SMAD3: variants seen among roughly 807,000 people sequenced by gnomAD.
The protein encoded by SMAD3 is MAD homolog 3.
SMAD3 carries 12 observed loss-of-function variants against 51.8 expected under a neutral mutation model. The ratio of observed to expected loss-of-function variants is 0.23; its 90% CI spans 0.15 to 0.38. The LOEUF is 0.38. Among genes scored for constraint, SMAD3 ranks in the 10% least tolerant of loss-of-function variants. The pLI is 1.00. For missense variants in SMAD3, 294 were observed against 565.6 expected (o/e 0.52, Z 4.87); for synonymous variants, 238 against 227.7 (o/e 1.05, Z -0.41).
intron 1 of SMAD3, among the ~76,000 whole-genome samples, chr15:67,070,135 C>T (rs559108553): frequency 6.6e-6 from 1 of 152,312 alleles, no homozygotes; most frequent in East Asian, 1.9e-4. Context: ...AGACCTATTA[C>T]TAAGGCTGTA....
Position 67,193,489 on chromosome 15 carries a change from G to A in SMAD3, c.*2953G>A, listed in dbSNP as rs1349982234. On this transcript the variant is annotated 3_prime_UTR_variant, in exon 9 of 9. Transcript: ENST00000327367. ...TAACTTAGATGCTTCCAGCACATACGTAGGTAGCTACCCCAGCCGGTTTGG... is the reference window on the plus strand; with the variant it reads ...TAACTTAGATGCTTCCAGCACATACATAGGTAGCTACCCCAGCCGGTTTGG... 8.6e-6 allele frequency: 2 copies of A among 233,616 alleles called. No homozygotes were observed. The highest frequency in any genetic ancestry group is 1.2e-4 in the East Asian group (2 of 16,746). The allele number at this position is 233,616 out of a possible 1,614,324, so 14.5% of individuals were successfully genotyped here.
chr15:67,149,056 G>GT (rs984239675), intron 1 of SMAD3, among the ~76,000 whole-genome samples: 13 of 152,198 alleles, frequency 8.5e-5, no homozygotes, highest in Non-Finnish European at 1.5e-4. Flanking sequence ...ATGGTGGACT[G>GT]TAAGAGTTCG....
intron 1 of SMAD3, among the ~76,000 whole-genome samples, chr15:67,086,411 C>T (rs550129800): frequency 6.6e-6 from 1 of 152,120 alleles, no homozygotes; most frequent in Non-Finnish European, 1.5e-5. Context: ...ACACATCTCT[C>T]TGCATTAAAA....
chr15:67,121,364 A>G (rs1411384738), intron 1 of SMAD3, among the ~76,000 whole-genome samples: 2 of 152,096 alleles, frequency 1.3e-5, no homozygotes, highest in African/African-American at 2.4e-5. Flanking sequence ...TCCTGAGGGC[A>G]TCGTGGGTGG....
intron 5 of SMAD3, among the ~76,000 whole-genome samples, chr15:67,178,171 C>T (rs956482049): frequency 1.3e-5 from 2 of 152,208 alleles, no homozygotes; most frequent in Non-Finnish European, 2.9e-5. Context: ...GAGGGCCTCT[C>T]GGCCTATGAC....
At chr15:67,076,365 A>G (rs1960169890) in intron 1 of SMAD3, among the ~76,000 whole-genome samples, 1 of 152,214 alleles carries the variant, frequency 6.6e-6, no homozygotes, top group Non-Finnish European at 1.5e-5. Context: ...AAGATCCTGA[A>G]GCAGAAACGC....
chr15:67,163,465 C>T (rs1405822181), intron 1 of SMAD3, among the ~76,000 whole-genome samples: 6 of 152,150 alleles, frequency 3.9e-5, no homozygotes, highest in East Asian at 1.9e-4. Flanking sequence ...TGAAGTTTTA[C>T]GTCCCTCCAG....
chr15:67,175,363 G>C (rs1342274915), intron 5 of SMAD3, among the ~76,000 whole-genome samples: 1 of 152,172 alleles, frequency 6.6e-6, no homozygotes, highest in Admixed American at 6.5e-5. Flanking sequence ...AGGGCAGCTT[G>C]GAGGTGGCTG....
At chr15:67,179,324 A>G (rs1305455486) in intron 5 of SMAD3, among the ~76,000 whole-genome samples, 3 of 152,116 alleles carry the variant, frequency 2.0e-5, no homozygotes, top group Non-Finnish European at 4.4e-5. Flanking sequence ...TATTGCCACA[A>G]CTTGAGAGGG....
intron 1 of SMAD3, among the ~76,000 whole-genome samples, chr15:67,129,350 G>GT (rs1961467974): frequency 6.6e-6 from 1 of 152,186 alleles, no homozygotes; most frequent in Admixed American, 6.5e-5. Context: ...CTTGTTCTTG[G>GT]TTTTGCCTTA....
intron 5 of SMAD3, among the ~76,000 whole-genome samples, chr15:67,173,955 G>A (rs1337722996): frequency 6.6e-6 from 1 of 152,244 alleles, no homozygotes; most frequent in East Asian, 1.9e-4. Flanking sequence ...GTGAAAGATG[G>A]TGGTGGGTTG....
intron 1 of SMAD3, among the ~76,000 whole-genome samples, chr15:67,071,744 G>A (rs891127225): frequency 2.0e-5 from 3 of 152,118 alleles, no homozygotes; most frequent in African/African-American, 4.8e-5. Flanking sequence ...CCCAGGAGGC[G>A]GAGCTTGCAG....
intron 8 of SMAD3, among the ~76,000 whole-genome samples, chr15:67,188,146 T>C (rs1339101256): frequency 2.1e-5 from 2 of 95,534 alleles, no homozygotes; most frequent in African/African-American, 7.3e-5. Flanking sequence ...CTTTTTCTTT[T>C]TCTTTTTTTT....
intron 1 of SMAD3, among the ~76,000 whole-genome samples, chr15:67,090,491 GA>G (rs1960486684): frequency 6.6e-6 from 1 of 152,128 alleles, no homozygotes; most frequent in Non-Finnish European, 1.5e-5. Flanking sequence ...GCGGGGCAGT[GA>G]CTTGCGCAAG....
intron 5 of SMAD3, among the ~76,000 whole-genome samples, chr15:67,177,853 G>T: frequency 6.6e-6 from 1 of 152,112 alleles, no homozygotes; most frequent in Non-Finnish European, 1.5e-5. Flanking sequence ...GAGGCATGGT[G>T]GGCGGGAGGG....
intron 1 of SMAD3, among the ~76,000 whole-genome samples, chr15:67,135,793 T>G (rs1961645303): frequency 6.6e-6 from 1 of 152,196 alleles, no homozygotes; most frequent in Non-Finnish European, 1.5e-5. Context: ...CATCGTATTA[T>G]AAAAACGTGA....
intron 6 of SMAD3, 84 bp from the exon 7 acceptor site, chr15:67,184,643 G>T: frequency 6.5e-7 from 1 of 1,538,344 alleles, no homozygotes. Flanking sequence ...CTGCTGTTCT[G>T]CCTCCTTTGC....
chr15:67,120,902 C>T (rs1256702011), intron 1 of SMAD3, among the ~76,000 whole-genome samples: 1 of 152,038 alleles, frequency 6.6e-6, no homozygotes, highest in African/African-American at 2.4e-5. Context: ...CGTTAGTTAG[C>T]GTATTTTATG....
chr15:67,165,186 G>T (rs896012069), intron 2 of SMAD3, 67 bp from the exon 3 acceptor site: 2 of 1,613,356 alleles, frequency 1.2e-6, no homozygotes, highest in African/African-American at 2.7e-5. Context: ...GCACTTGGGG[G>T]TGCGGGGACT....
Sources: allele counts gnomAD v4.1 joint callset (sites outside exome capture counted in the v4.1 genomes callset), GRCh38; gene constraint gnomAD v4.1.1; transcripts MANE v1.5; gene names NCBI Gene and HGNC (gene_info 2026-07-23, HGNC 2026-07-21).